Variants in FAM118B observed in about 807,000 individuals in gnomAD.
The protein encoded by FAM118B is SIR2 antiphage like 1, also known as protein FAM118B.
A neutral mutation model predicts 38.5 loss-of-function variants in FAM118B; 24 were observed. That is an observed-to-expected ratio of 0.62 (90% CI 0.45 to 0.88). FAM118B has a LOEUF of 0.88. Among genes scored for constraint, FAM118B ranks in the 40% least tolerant of loss-of-function variants. The pLI is 0.00. For missense variants in FAM118B, 334 were observed against 420.0 expected (o/e 0.80, Z 1.79); for synonymous variants, 138 against 156.3 (o/e 0.88, Z 0.87).
intron 2 of FAM118B, among the ~76,000 whole-genome samples, chr11:126,234,278 G>T (rs1464128916): frequency 1.3e-5 from 2 of 152,114 alleles, no homozygotes; most frequent in East Asian, 3.8e-4. Flanking sequence ...TAACAAGTTT[G>T]CCAAAGTTTG....
chr11:126,234,481 G>A (rs1280640237), intron 2 of FAM118B, among the ~76,000 whole-genome samples: 3 of 152,190 alleles, frequency 2.0e-5, no homozygotes, highest in African/African-American at 7.2e-5. Context: ...CTGGCTACAA[G>A]GTCACCATCG....
intron 1 of FAM118B, among the ~76,000 whole-genome samples, chr11:126,213,344 T>C (rs3862626): frequency 0.19 from 29,446 of 152,142 alleles, 2,946 homozygotes; most frequent in Admixed American, 0.25. Context: ...AAGGCAGGTG[T>C]AAATGCAGAT....
rs1214817257 is a variant in FAM118B at position 126,223,777 on chromosome 11, T to C, written c.-76-5448T>C. 2.0e-5 allele frequency among the ~76,000 whole-genome samples: 3 copies of C among 152,314 alleles called. No homozygotes were observed. In the East Asian group the frequency reaches 5.8e-4, roughly 29 times the overall value. On this transcript the variant is annotated intron_variant, in intron 1 of 8. Transcript: ENST00000533050. ...TAAAAACCAGTTTACAGAGTAGACATCAGAGACTTGAGTTATAAAGTGATT... is the reference window on the plus strand; with the variant it reads ...TAAAAACCAGTTTACAGAGTAGACACCAGAGACTTGAGTTATAAAGTGATT...
intron 1 of FAM118B, among the ~76,000 whole-genome samples, chr11:126,223,514 C>T (rs958570059): frequency 6.6e-6 from 1 of 150,388 alleles, no homozygotes; most frequent in South Asian, 2.1e-4. Flanking sequence ...AGGAGAATGG[C>T]GTCAGCCCGG....
chr11:126,238,031 T>G (rs1055768428), intron 3 of FAM118B, among the ~76,000 whole-genome samples: 4 of 152,040 alleles, frequency 2.6e-5, no homozygotes, highest in African/African-American at 9.7e-5. Context: ...AGGTGACCCT[T>G]GTTTGTCTGC....
At position 126,256,794 on chromosome 11, in the gene FAM118B, C is replaced by A; in HGVS notation, c.924C>A (p.Ala308=). The change falls in exon 7 of 9, where the codon GCC becomes GCA. Residue 308 remains alanine, a synonymous_variant. Coordinates refer to ENST00000533050, the MANE Select transcript of FAM118B (RefSeq NM_024556.4). This position sits in a 1 kb window ranked among gnomAD's most constrained non-coding sequence, Gnocchi z 6.6. The part of the protein sequence containing the change: ...IKVISYGDDY[A]DLPEYFKRLT... ...TCATCTCCTATGGAGATGACTATGCCGATCTTCCAGAATATTTCAAGCGAC... is the reference window on the plus strand; with the variant it reads ...TCATCTCCTATGGAGATGACTATGCAGATCTTCCAGAATATTTCAAGCGAC... 2 of 1,612,226 alleles carry A rather than the reference C, an allele frequency of 1.2e-6. No individual in the cohort carries two copies. The highest frequency in any genetic ancestry group is 4.5e-5 in the East Asian group (2 of 44,850).
chr11:126,228,347 G>A (rs1950170407), intron 1 of FAM118B, among the ~76,000 whole-genome samples: 1 of 151,112 alleles, frequency 6.6e-6, no homozygotes, highest in Admixed American at 6.6e-5. Flanking sequence ...TTACAGGTGT[G>A]TGCCACCACA....
intron 1 of FAM118B, among the ~76,000 whole-genome samples, chr11:126,217,921 G>A (rs1024268908): frequency 1.3e-5 from 2 of 152,130 alleles, no homozygotes; most frequent in African/African-American, 4.8e-5. Flanking sequence ...TTACGTGACC[G>A]TATTTTGTTT....
intron 2 of FAM118B, among the ~76,000 whole-genome samples, chr11:126,230,659 G>A (rs377644974): frequency 3.3e-5 from 5 of 152,046 alleles, no homozygotes; most frequent in East Asian, 1.9e-4. Context: ...GATTTATTTC[G>A]TCTGCTAATA....
intron 2 of FAM118B, among the ~76,000 whole-genome samples, chr11:126,233,247 G>C (rs980949631): frequency 2.6e-5 from 4 of 151,894 alleles, no homozygotes; most frequent in African/African-American, 9.7e-5. Flanking sequence ...AGGCTGAGGC[G>C]GGCGGATCAC....
intron 4 of FAM118B, among the ~76,000 whole-genome samples, chr11:126,243,101 A>T (rs1351941846): frequency 1.3e-5 from 2 of 152,232 alleles, no homozygotes; most frequent in African/African-American, 4.8e-5. Context: ...AGCCAGACAC[A>T]AAAGGACATA....
rs538214091 is a variant in FAM118B, at chr11:126,256,779, T to A, written c.909T>A (p.Tyr303Ter). 1 of 1,611,470 alleles carries A rather than the reference T, an allele frequency of 6.2e-7. No homozygotes were observed. The highest frequency in any genetic ancestry group is 2.2e-5 in the East Asian group (1 of 44,862). The change falls in exon 7 of 9, where the codon TAT (tyrosine) becomes TAA (stop). Residue 303 changes from tyrosine to a stop codon, truncating the protein, a stop_gained. Transcript: ENST00000533050. LOFTEE classifies it high-confidence loss of function. This position sits in a 1 kb window ranked among gnomAD's most constrained non-coding sequence, Gnocchi z 6.6. ...MLDKGIKVIS[Y>*]GDDYADLPEY... ...ACAAGGGGATTAAAGTCATCTCCTA[T>A]GGAGATGACTATGCCGATCTTCCAG... is the stretch of plus-strand genomic sequence containing the variant.
At chr11:126,235,815 G>C (rs1014547352) in intron 3 of FAM118B, among the ~76,000 whole-genome samples, 1 of 147,034 alleles carries the variant, frequency 6.8e-6, no homozygotes, top group East Asian at 1.9e-4. Flanking sequence ...CACTGTGCCC[G>C]GCCTGGTTCA....
rs1950526117 is a variant in FAM118B at position 126,252,987 on chromosome 11, A to G, written c.568-1318A>G. Among the ~76,000 whole-genome samples the G allele has an allele frequency of 6.6e-6, 1 of 152,202 alleles. No individual in the cohort carries two copies. Among genetic ancestry groups the G allele is most frequent in the Admixed American group, 6.5e-5 (1 of 15,284 alleles). The stretch of plus-strand genomic sequence containing the variant: ...GAGGCAGAGGTTTCAGTGAGCCAAG[A>G]TTGCGCCACTGTGCTCCAATCTGGG... On this transcript the variant is annotated intron_variant, in intron 5 of 8. Coordinates refer to ENST00000533050, the MANE Select transcript of FAM118B (RefSeq NM_024556.4). The surrounding 1 kb of genome is among the most constrained non-coding windows in gnomAD (Gnocchi z 4.7).
intron 1 of FAM118B, among the ~76,000 whole-genome samples, chr11:126,222,359 G>C (rs1330600781): frequency 1.3e-5 from 2 of 152,222 alleles, no homozygotes; most frequent in African/African-American, 4.8e-5. Context: ...ACGTGAAGAT[G>C]TAGTAACCTG....
intron 4 of FAM118B, among the ~76,000 whole-genome samples, chr11:126,243,602 G>A (rs1036108389): frequency 1.3e-5 from 2 of 152,008 alleles, no homozygotes; most frequent in Admixed American, 6.6e-5. Context: ...ATGAAAGGTT[G>A]GTTTAACATC....
chr11:126,223,882 T>C (rs1950102440), intron 1 of FAM118B, among the ~76,000 whole-genome samples: 1 of 152,254 alleles, frequency 6.6e-6, no homozygotes, highest in African/African-American at 2.4e-5. Context: ...AGAATCAGAC[T>C]ACATTCACTG....
At chr11:126,215,954 C>CA (rs1949973128) in intron 1 of FAM118B, among the ~76,000 whole-genome samples, 1 of 152,072 alleles carries the variant, frequency 6.6e-6, no homozygotes, top group Admixed American at 6.6e-5. Flanking sequence ...GCTGCAGCTG[C>CA]AGTGAACCAT....
In FAM118B at chr11:126,214,513, T is replaced by TTTTTTTTTTTTTTTTTTTTTTTTTTC. The variant is rs1949951184; in HGVS notation, c.-77+2683_-77+2684insTTTTTTTTTTTTTTTTTTTTTTTTTC. 4.5e-5 allele frequency: 2 copies of TTTTTTTTTTTTTTTTTTTTTTTTTTC among 44,586 alleles called. 1 individual carries two copies. The highest frequency in any genetic ancestry group is 9.6e-5 in the Non-Finnish European group (2 of 20,848). The allele number at this position is 44,586 out of a possible 1,614,324, so 2.8% of individuals were successfully genotyped here. A position where few individuals can be genotyped will look rare whatever the true frequency, so the allele number is the denominator to read the frequency against. ...CTGTTTTTTTTTTTTGTTTTTTTTT[T>TTTTTTTTTTTTTTTTTTTTTTTTTTC]GTTTTTTTTTTTTTACCTCTATATT... is the stretch of plus-strand genomic sequence containing the variant. On this transcript the variant is annotated intron_variant, in intron 1 of 8. Transcript: ENST00000533050.
Sources: gnomAD v4.1 joint callset for allele counts (sites outside exome capture counted in the v4.1 genomes callset) on GRCh38, gnomAD v4.1.1 for gene constraint, Gnocchi (gnomAD v3.1) non-coding constraint, MANE v1.5 for transcripts, NCBI Gene and HGNC (gene_info 2026-07-23, HGNC 2026-07-21) for gene names.